Variants in HS6ST3 observed in about 807,000 individuals in gnomAD.
The protein encoded by HS6ST3 is heparan-sulfate 6-O-sulfotransferase 3.
In HS6ST3, 12 loss-of-function variants were observed where a neutral mutation model predicts 36.7. That is an observed-to-expected ratio of 0.33 (90% confidence interval 0.21 to 0.53). The LOEUF (loss-of-function observed/expected upper bound fraction) is 0.53, where lower values mean the gene tolerates loss of function less well. HS6ST3 is among the 20% of genes least tolerant of loss of function. The pLI, the probability that HS6ST3 is intolerant of heterozygous loss-of-function variation, is 0.95. For missense variants in HS6ST3, 584 were observed against 640.9 expected, an observed-to-expected ratio of 0.91 and a Z score of 0.96; for synonymous variants, 240 against 257.5, an observed-to-expected ratio of 0.93 and a Z score of 0.65.
chr13:96,561,167 G>A (rs2056260562), intron 1 of HS6ST3, among the ~76,000 whole-genome samples: 1 of 152,040 alleles, frequency 6.6e-6, no homozygotes, highest in Admixed American at 6.6e-5. Flanking sequence ...AAACAGCATG[G>A]TACTGATATA....
intron 1 of HS6ST3, among the ~76,000 whole-genome samples, chr13:96,714,730 G>T (rs1875648985): frequency 6.6e-6 from 1 of 152,100 alleles, no homozygotes; most frequent in South Asian, 2.1e-4. Flanking sequence ...AAAGGGTCTT[G>T]CTATGTCATC....
intron 1 of HS6ST3, among the ~76,000 whole-genome samples, chr13:96,516,676 C>T (rs1478413282): frequency 6.6e-6 from 1 of 152,084 alleles, no homozygotes; most frequent in East Asian, 1.9e-4. Context: ...TGATCATTTG[C>T]ATTAGAATTT....
intron 1 of HS6ST3, among the ~76,000 whole-genome samples, chr13:96,402,826 TG>T (rs2055458416): frequency 6.6e-6 from 1 of 152,248 alleles, no homozygotes; most frequent in African/African-American, 2.4e-5. Flanking sequence ...TTGATGAACA[TG>T]TAGATTGTTT....
chr13:96,781,134 GA>G (rs1382142897), intron 1 of HS6ST3, among the ~76,000 whole-genome samples: 3 of 152,100 alleles, frequency 2.0e-5, no homozygotes, highest in Non-Finnish European at 2.9e-5. Context: ...TTTCCTTGTG[GA>G]GATACTCTCT....
chr13:96,410,881 A>G (rs2055504171), intron 1 of HS6ST3, among the ~76,000 whole-genome samples: 1 of 152,226 alleles, frequency 6.6e-6, no homozygotes, highest in Admixed American at 6.5e-5. Flanking sequence ...AATTCCCTAC[A>G]CTTTAGAAGT....
intron 1 of HS6ST3, among the ~76,000 whole-genome samples, chr13:96,188,747 G>A (rs920582326): frequency 2.6e-5 from 4 of 152,070 alleles, no homozygotes; most frequent in African/African-American, 7.2e-5. Flanking sequence ...AGTTATTAAT[G>A]TGTAATATAG....
intron 1 of HS6ST3, among the ~76,000 whole-genome samples, chr13:96,699,253 A>T (rs980364137): frequency 1.3e-5 from 2 of 152,228 alleles, no homozygotes; most frequent in African/African-American, 4.8e-5. Flanking sequence ...GACAAATGGG[A>T]TCTAACTAAA....
intron 1 of HS6ST3, among the ~76,000 whole-genome samples, chr13:96,768,868 C>G (rs1195589921): frequency 6.6e-6 from 1 of 152,000 alleles, no homozygotes; most frequent in African/African-American, 2.4e-5. Context: ...ACTTCAGAAA[C>G]TTTACCAAGG....
At chr13:96,141,234 G>A (rs1171242299) in intron 1 of HS6ST3, among the ~76,000 whole-genome samples, 8 of 152,164 alleles carry the variant, frequency 5.3e-5, no homozygotes, top group African/African-American at 1.9e-4. Flanking sequence ...ACACCAGATG[G>A]CAGTCTTTTA....
At chr13:96,705,774 GC>G (rs1173794413) in intron 1 of HS6ST3, among the ~76,000 whole-genome samples, 3 of 152,168 alleles carry the variant, frequency 2.0e-5, no homozygotes, top group Non-Finnish European at 4.4e-5. Flanking sequence ...CAGAGCAGGA[GC>G]CGGTGTCTCC....
intron 1 of HS6ST3, among the ~76,000 whole-genome samples, chr13:96,173,880 C>A (rs1449809469): frequency 6.6e-6 from 1 of 151,764 alleles, no homozygotes. Flanking sequence ...TGGTTAGTTA[C>A]ATGGCAAAGA....
intron 1 of HS6ST3, among the ~76,000 whole-genome samples, chr13:96,241,123 G>T (rs1315516015): frequency 7.2e-6 from 1 of 139,034 alleles, no homozygotes; most frequent in South Asian, 2.4e-4. Context: ...AAATCTTTTT[G>T]CAAATCAGGT....
At chr13:96,669,408 G>A (rs975920098) in intron 1 of HS6ST3, among the ~76,000 whole-genome samples, 3 of 152,086 alleles carry the variant, frequency 2.0e-5, no homozygotes, top group Non-Finnish European at 4.4e-5. Context: ...AGGACAGATT[G>A]TTGCCTACCC....
intron 1 of HS6ST3, among the ~76,000 whole-genome samples, chr13:96,680,510 G>T (rs1027063027): frequency 1.3e-5 from 2 of 152,126 alleles, no homozygotes; most frequent in African/African-American, 4.8e-5. Flanking sequence ...CCAATCGGGG[G>T]TTAGAGGGAA....
intron 1 of HS6ST3, among the ~76,000 whole-genome samples, chr13:96,159,695 G>A (rs1594698817): frequency 6.6e-6 from 1 of 152,330 alleles, no homozygotes; most frequent in Middle Eastern, 3.4e-3. Flanking sequence ...GAAAAAAGCT[G>A]CAGGTATTAA....
At chr13:96,199,938 A>G (rs891353473) in intron 1 of HS6ST3, among the ~76,000 whole-genome samples, 1 of 152,178 alleles carries the variant, frequency 6.6e-6, no homozygotes, top group South Asian at 2.1e-4. Flanking sequence ...CAGCCTTGGT[A>G]GCCGACTTCT....
chr13:96,212,445 C>T (rs759606337), intron 1 of HS6ST3, among the ~76,000 whole-genome samples: 3 of 152,184 alleles, frequency 2.0e-5, no homozygotes, highest in African/African-American at 7.2e-5. Flanking sequence ...TAGGAAAATT[C>T]TCTGAATCTT....
intron 1 of HS6ST3, among the ~76,000 whole-genome samples, chr13:96,495,531 G>T (rs1261190144): frequency 4.6e-5 from 7 of 152,156 alleles, no homozygotes; most frequent in Admixed American, 2.6e-4. Flanking sequence ...TGGGGAGATT[G>T]TTCTTTTTTT....
At position 96,453,725 on chromosome 13, in the gene HS6ST3, C is replaced by T. The variant is rs7335838; in HGVS notation, c.707+362156C>T. ...TTCAGAAAGCTTCAAAGTCACCATA[C>T]GCCTGGAAATCAAATGGACAGCAAG... is the stretch of plus-strand genomic sequence containing the variant. On this transcript the variant is annotated intron_variant, in intron 1 of 1. Transcript: ENST00000376705. 8.4e-3 allele frequency among the ~76,000 whole-genome samples: 1,272 copies of T among 152,256 alleles called. 22 individuals carry two copies. The highest frequency in any genetic ancestry group is 0.029 in the African/African-American group (1,188 of 41,534).
Sources: allele counts gnomAD v4.1 joint callset (sites outside exome capture counted in the v4.1 genomes callset), GRCh38; gene constraint gnomAD v4.1.1; transcripts MANE v1.5; gene names NCBI Gene and HGNC (gene_info 2026-07-23, HGNC 2026-07-21).